Variants in MS4A14 observed in about 807,000 individuals in gnomAD.
The protein encoded by MS4A14 is membrane spanning 4-domains A14.
A neutral mutation model predicts 16.7 loss-of-function variants in MS4A14; 18 were observed. The ratio of observed to expected loss-of-function variants is 1.08; its 90% CI spans 0.75 to 1.60. The LOEUF (loss-of-function observed/expected upper bound fraction) is 1.60. MS4A14 is among the 40% of genes most tolerant of loss of function. The pLI is 0.00. For missense variants in MS4A14, 812 were observed against 775.3 expected (o/e 1.05, Z -0.56); for synonymous variants, 305 against 289.4 (o/e 1.05, Z -0.55).
At chr11:60,403,656 T>C (rs1272177608) in intron 4 of MS4A14, among the ~76,000 whole-genome samples, 1 of 152,232 alleles carries the variant, frequency 6.6e-6, no homozygotes, top group Non-Finnish European at 1.5e-5. Flanking sequence ...TAGTTGTCTG[T>C]GCAATTTAAA....
chr11:60,403,048 G>C lies in MS4A14; in HGVS notation c.455G>C (p.Arg152Thr). The change falls in exon 4 of 5, where the codon AGA (arginine) becomes ACA (threonine). Residue 152 changes from arginine (R) to threonine (T), a missense_variant. Physicochemically the swap from Arg to Thr is moderately conservative, Grantham distance 71. Coordinates refer to ENST00000300187, the MANE Select transcript of MS4A14 (RefSeq NM_032597.5). ...PSFEEICVFS[R>T]TLFIVLFFLP... Reference sequence around the variant, plus strand: ...TTTGAAGAAATATGTGTTTTCAGTAGAACTCTTTTCATTGTAAGTGGTCTT... The same window carrying C: ...TTTGAAGAAATATGTGTTTTCAGTACAACTCTTTTCATTGTAAGTGGTCTT... 6.2e-7 allele frequency: 1 copy of C among 1,613,570 alleles called. No individual in the cohort carries two copies. The highest frequency in any genetic ancestry group is 2.2e-5 in the East Asian group (1 of 44,858).
In MS4A14 at chr11:60,416,085, C is replaced by G; in HGVS notation, c.1117C>G (p.His373Asp). The G allele has an allele frequency of 6.2e-7, 1 of 1,610,308 alleles. No homozygotes were observed. The highest frequency in any genetic ancestry group is 8.5e-7 in the Non-Finnish European group (1 of 1,178,160). The change falls in exon 5 of 5, where the codon CAT becomes GAT. Residue 373 changes from histidine (H) to aspartate (D), a missense_variant. Transcript: ENST00000300187. ...CACATCATCTCAAGATATGCTGTTT[C>G]ATGACATGACATCCCAAGATATGCA... ...QDTSSQDMLF[H>D]DMTSQDMQSL...
At chr11:60,397,698 G>A (rs2085647170) in intron 1 of MS4A14, among the ~76,000 whole-genome samples, 154 bp from the exon 2 acceptor site, 1 of 152,176 alleles carries the variant, frequency 6.6e-6, no homozygotes, top group Admixed American at 6.5e-5. Context: ...ATTGAACTGA[G>A]TCTCTTAACA....
At chr11:60,405,200 C>T (rs1487856295) in intron 4 of MS4A14, among the ~76,000 whole-genome samples, 1 of 152,164 alleles carries the variant, frequency 6.6e-6, no homozygotes, top group African/African-American at 2.4e-5. Context: ...CTGCCTCAGC[C>T]TCCCGAGTAG....
chr11:60,411,968 T>C (rs1333868740), intron 4 of MS4A14, among the ~76,000 whole-genome samples: 1 of 152,112 alleles, frequency 6.6e-6, no homozygotes, highest in Non-Finnish European at 1.5e-5. Context: ...AGAGGTTTTC[T>C]CATGAAAGGC....
Position 60,404,385 on chromosome 11 carries a change from T to G in MS4A14, c.468+1324T>G, listed in dbSNP as rs185468519. Among the ~76,000 whole-genome samples, 181 of 152,322 alleles carry G rather than the reference T, an allele frequency of 1.2e-3. 1 individual carries two copies. Among genetic ancestry groups the G allele is most frequent in the Non-Finnish European group, 9.3e-4 (63 of 68,022 alleles). Reference sequence around the variant, plus strand: ...GGCTGACCCCTGTCCTAAAGACCAATCTATTGTCTATACTGTGGCTAGAGT... The same window carrying G: ...GGCTGACCCCTGTCCTAAAGACCAAGCTATTGTCTATACTGTGGCTAGAGT... On this transcript the variant is annotated intron_variant, in intron 4 of 4. Coordinates refer to ENST00000300187, the MANE Select transcript of MS4A14 (RefSeq NM_032597.5).
At chr11:60,403,293 A>G (rs934344501) in intron 4 of MS4A14, 8 of 491,638 alleles carry the variant, frequency 1.6e-5, no homozygotes, top group Non-Finnish European at 3.0e-5. Context: ...TATTCTCTCT[A>G]AGCTTCGGTT....
At chr11:60,415,301 T>A (rs1241456707) in intron 4 of MS4A14, 136 bp from the exon 5 acceptor site, 1 of 871,372 alleles carries the variant, frequency 1.1e-6, no homozygotes, top group Non-Finnish European at 1.7e-6. Context: ...AGGACTGGCA[T>A]TCGTTTTCTG....
intron 4 of MS4A14, among the ~76,000 whole-genome samples, chr11:60,411,180 G>C (rs79333296): frequency 1.3e-5 from 2 of 152,126 alleles, no homozygotes; most frequent in Non-Finnish European, 2.9e-5. Flanking sequence ...TTTACAGTAC[G>C]TTTCAAAGTT....
At position 60,396,572 on chromosome 11, in the gene MS4A14, T is replaced by C. The variant is rs970041184; in HGVS notation, c.-7T>C. On this transcript the variant is annotated 5_prime_UTR_variant, in exon 1 of 5. Transcript: ENST00000300187. ...TCTTTCCCTTACTAGAGTTCTGCCA[T>C]AGAATCATGGAGTCAACATCCCAGG... 1.2e-6 allele frequency: 2 copies of C among 1,612,814 alleles called. No individual in the cohort carries two copies. The highest frequency in any genetic ancestry group is 8.5e-7 in the Non-Finnish European group (1 of 1,179,478).
intron 4 of MS4A14, among the ~76,000 whole-genome samples, chr11:60,407,121 C>A (rs1464657935): frequency 7.0e-6 from 1 of 143,572 alleles, no homozygotes; most frequent in East Asian, 2.2e-4. Context: ...CTCAAGCAAC[C>A]TTTCCACCTC....
rs146179294 is a variant in MS4A14 at position 60,416,864 on chromosome 11, G to A, written c.1896G>A (p.Gln632=). 486 of 1,613,770 alleles carry A rather than the reference G, an allele frequency of 3.0e-4. 1 individual carries two copies. In the African/African-American group the frequency reaches 6.1e-3, roughly 20 times the overall value. ...QNVQAEGQQA[Q]VEKVPKLLCQ... Reference sequence around the variant, plus strand: ...TTCAAGCCGAAGGACAGCAAGCTCAGGTGGAGAAAGTGCCAAAACTGTTAT... The same window carrying A: ...TTCAAGCCGAAGGACAGCAAGCTCAAGTGGAGAAAGTGCCAAAACTGTTAT... Residue 632 remains glutamine, a synonymous_variant, in exon 5 of 5, where the codon CAG becomes CAA. Transcript: ENST00000300187.
chr11:60,403,909 G>A (rs537709370), intron 4 of MS4A14, among the ~76,000 whole-genome samples: 1 of 152,354 alleles, frequency 6.6e-6, no homozygotes, highest in African/African-American at 2.4e-5. Context: ...CTGAATACAA[G>A]AGGTAATTTA....
At position 60,415,945 on chromosome 11, in the gene MS4A14, C is replaced by A. The variant is rs149681158; in HGVS notation, c.977C>A (p.Pro326Gln). The A allele has an allele frequency of 3.0e-4, 482 of 1,613,974 alleles. 2 individuals are homozygous for A. In the African/African-American group the frequency reaches 5.7e-3, roughly 19 times the overall value. Reference sequence around the variant, plus strand: ...GAAGACTTGCCATCCCAAGCTCTACCAGTAGAAGGCCTGTCAGAACAAACC... The same window carrying A: ...GAAGACTTGCCATCCCAAGCTCTACAAGTAGAAGGCCTGTCAGAACAAACC... ...SPEDLPSQAL[P>Q]VEGLSEQTMP... The change falls in exon 5 of 5, where the codon CCA (proline) becomes CAA (glutamine). Residue 326 changes from proline to glutamine, a missense_variant. Pro to Gln is a moderately conservative substitution (Grantham distance 76). Transcript: ENST00000300187.
chr11:60,416,411 A>G lies in MS4A14; in HGVS notation c.1443A>G (p.Lys481=). ...WKSEEELHRR[K]SSRRHSLNQQ... ...CTGAGGAGGAACTCCATAGAAGAAA[A>G]TCCTCAAGACGGCATTCCTTAAACC... Residue 481 remains lysine, a synonymous_variant, in exon 5 of 5, where the codon AAA becomes AAG. Transcript: ENST00000300187. 1 of 1,614,036 alleles carries G rather than the reference A, an allele frequency of 6.2e-7. No individual in the cohort carries two copies. The highest frequency in any genetic ancestry group is 2.2e-5 in the East Asian group (1 of 44,876).
intron 4 of MS4A14, chr11:60,405,825 G>A: frequency 8.0e-7 from 1 of 1,246,026 alleles, no homozygotes; most frequent in Admixed American, 2.0e-5. Flanking sequence ...GGGGTTCTCA[G>A]CTTATATATT....
At chr11:60,413,224 CT>C (rs966443839) in intron 4 of MS4A14, among the ~76,000 whole-genome samples, 168 of 151,380 alleles carry the variant, frequency 1.1e-3, no homozygotes, top group African/African-American at 4.0e-3. Context: ...GTTCCCATAG[CT>C]TTTTTTTAAT....
intron 2 of MS4A14, among the ~76,000 whole-genome samples, chr11:60,398,700 G>A (rs530866198): frequency 3.3e-5 from 5 of 152,046 alleles, no homozygotes; most frequent in African/African-American, 4.8e-5. Flanking sequence ...CAACAAATAG[G>A]TGAAATAATT....
Position 60,402,959 on chromosome 11 carries a change from A to T in MS4A14, c.366A>T (p.Ile122=). 6.2e-7 allele frequency: 1 copy of T among 1,613,862 alleles called. No homozygotes were observed. Among genetic ancestry groups the T allele is most frequent in the Non-Finnish European group, 8.5e-7 (1 of 1,179,808 alleles). Residue 122 remains isoleucine, a synonymous_variant, in exon 4 of 5, where the codon ATA becomes ATT. Coordinates refer to ENST00000300187, the MANE Select transcript of MS4A14 (RefSeq NM_032597.5). The part of the protein sequence containing the change: ...GMNVISSLVA[I]TGITFTILSY... Reference sequence around the variant, plus strand: ...ATGTTATCAGCTCCTTGGTTGCGATAACTGGGATTACTTTCACCATTCTCA... The same window carrying T: ...ATGTTATCAGCTCCTTGGTTGCGATTACTGGGATTACTTTCACCATTCTCA...
Sources: allele counts gnomAD v4.1 joint callset (sites outside exome capture counted in the v4.1 genomes callset), GRCh38; gene constraint gnomAD v4.1.1; transcripts MANE v1.5; gene names NCBI Gene and HGNC (gene_info 2026-07-23, HGNC 2026-07-21).